The following DIS3 variants were observed in gnomAD, a reference collection of about 807,000 sequenced individuals.
The protein encoded by DIS3 is exosome complex exonuclease RRP44.
Under a neutral mutation model 113.0 loss-of-function variants are expected in DIS3, and 103 were observed. The observed-to-expected ratio is 0.91, with a 90% CI of 0.78 to 1.07. DIS3 has a LOEUF of 1.07. Among genes scored for constraint, DIS3 ranks in the 50% least tolerant of loss-of-function variants. The pLI, the probability that DIS3 is intolerant of heterozygous loss-of-function variation, is 0.00. For missense variants in DIS3, 1,121 were observed against 1,167.1 expected, an observed-to-expected ratio of 0.96 and a Z score of 0.58; for synonymous variants, 402 against 394.3, an observed-to-expected ratio of 1.02 and a Z score of -0.23.
chr13:72,766,727 T>C lies in DIS3; in HGVS notation c.1884-669A>G, dbSNP rs150939589. On this transcript the variant is annotated intron_variant, in intron 14 of 20. Transcript: ENST00000377767. ...TTCCCACAAGGCAAGGCAAGTCTAATGTTTCTTACACCTTGACATAACTTT... is the reference window on the plus strand; with the variant it reads ...TTCCCACAAGGCAAGGCAAGTCTAACGTTTCTTACACCTTGACATAACTTT... 1.4e-4 allele frequency among the ~76,000 whole-genome samples: 22 copies of C among 152,324 alleles called. 1 individual carries two copies. The highest frequency in any genetic ancestry group is 5.3e-4 in the African/African-American group (22 of 41,574).
chr13:72,770,282 GA>G (rs200680976), intron 13 of DIS3, among the ~76,000 whole-genome samples: 27 of 147,190 alleles, frequency 1.8e-4, no homozygotes, highest in African/African-American at 5.5e-4. Flanking sequence ...CTTATAATTG[GA>G]AAAAAAAAAC....
intron 14 of DIS3, 130 bp downstream of exon 14, chr13:72,768,655 T>C (rs1412030598): frequency 3.0e-6 from 2 of 661,568 alleles, no homozygotes; most frequent in Admixed American, 7.2e-5. Context: ...AATACATACA[T>C]ACATACATAA....
intron 13 of DIS3, among the ~76,000 whole-genome samples, chr13:72,769,916 G>A (rs1035570508): frequency 1.3e-5 from 2 of 152,106 alleles, no homozygotes; most frequent in African/African-American, 4.8e-5. Flanking sequence ...GAAAGATGTA[G>A]GGCAAAATAA....
intron 16 of DIS3, among the ~76,000 whole-genome samples, chr13:72,762,433 A>G (rs2033649332): frequency 6.6e-6 from 1 of 152,176 alleles, no homozygotes; most frequent in Admixed American, 6.5e-5. Flanking sequence ...AAAAATCCCT[A>G]TTTACAGATT....
chr13:72,781,881 A>T lies in DIS3; in HGVS notation c.-49T>A. 6.8e-7 allele frequency: 1 copy of T among 1,471,554 alleles called. No homozygotes were observed. Among genetic ancestry groups the T allele is most frequent in the Non-Finnish European group, 9.1e-7 (1 of 1,100,402 alleles). The allele number at this position is 1,471,554 out of a possible 1,614,324, so 91.2% of individuals were successfully genotyped here. A position where few individuals can be genotyped will look rare whatever the true frequency, so the allele number is the denominator to read the frequency against. ...AACCCCAGCAGCGCTCTTCCAGCAA[A>T]AGGCGTCAATCTAGAATACGCCTAA... On this transcript the variant is annotated 5_prime_UTR_variant, in exon 1 of 21. Transcript: ENST00000377767.
intron 14 of DIS3, among the ~76,000 whole-genome samples, chr13:72,767,383 A>C (rs1290253035): frequency 6.6e-6 from 1 of 152,218 alleles, no homozygotes; most frequent in Non-Finnish European, 1.5e-5. Context: ...TAAAAAAAAA[A>C]CTTTGTGGTG....
chr13:72,780,212 G>C (rs927131433), intron 2 of DIS3, among the ~76,000 whole-genome samples: 12 of 149,794 alleles, frequency 8.0e-5, no homozygotes, highest in Admixed American at 6.1e-4. Context: ...TGTAATCCCA[G>C]CTACTCAGGA....
At position 72,759,705 on chromosome 13, in the gene DIS3, ACTGTAT is replaced by A; in HGVS notation, c.*84_*89del. 1 of 962,166 alleles carries A rather than the reference ACTGTAT, an allele frequency of 1.0e-6. No individual in the cohort carries two copies. The highest frequency in any genetic ancestry group is 1.6e-6 in the Non-Finnish European group (1 of 637,960). 59.6% of individuals were successfully genotyped at this position (962,166 alleles called of 1,614,324 possible). On this transcript the variant is annotated 3_prime_UTR_variant, in exon 21 of 21. Transcript: ENST00000377767. ...ATTAAAATGTACTTAAAAGTAACAA[ACTGTAT>A]CACACACTTAGGCTTAGAAGTGTTC...
In DIS3 at chr13:72,758,705, C is replaced by CT. The variant is rs549155901; in HGVS notation, c.*1089dup. 1.1e-3 allele frequency: 227 copies of CT among 212,624 alleles called. 2 individuals carry two copies. The highest frequency in any genetic ancestry group is 4.9e-3 in the African/African-American group (216 of 44,262). The allele number at this position is 212,624 out of a possible 1,614,324, so 13.2% of individuals were successfully genotyped here. ...AAATTAGTCAACATTTATTGAGTGC[C>CT]TAAATGACTACCTATTTAGTATACC... On this transcript the variant is annotated 3_prime_UTR_variant, in exon 21 of 21. Coordinates refer to ENST00000377767, the MANE Select transcript of DIS3 (RefSeq NM_014953.5).
At position 72,780,998 on chromosome 13, in the gene DIS3, A is replaced by T. The variant is rs778758692; in HGVS notation, c.234T>A (p.Asp78Glu). 1.0e-5 allele frequency: 16 copies of T among 1,598,588 alleles called. No individual in the cohort carries two copies. In the East Asian group the frequency reaches 3.1e-4, roughly 31 times the overall value. Residue 78 changes from aspartate to glutamate, a missense_variant, in exon 2 of 21, where the codon GAT becomes GAA. Physicochemically the swap from Asp to Glu is conservative, Grantham distance 45. Coordinates refer to ENST00000377767, the MANE Select transcript of DIS3 (RefSeq NM_014953.5). Reference sequence around the variant, plus strand: ...TCCTGATGGCAGGGTCCTCAAGAACATCAATCTTAAAGAAAGATAAAGTTA... The same window carrying T: ...TCCTGATGGCAGGGTCCTCAAGAACTTCAATCTTAAAGAAAGATAAAGTTA... The part of the protein sequence containing the change: ...PDTNVLLHQI[D>E]VLEDPAIRNV...
At chr13:72,774,968 TTCA>T (rs2033973339) in intron 6 of DIS3, among the ~76,000 whole-genome samples, 1 of 152,180 alleles carries the variant, frequency 6.6e-6, no homozygotes, top group South Asian at 2.1e-4. Flanking sequence ...GATTTTCAGT[TTCA>T]TACTTGTATT....
In DIS3 at chr13:72,755,370, A is replaced by G. The variant is rs2033430483; in HGVS notation, c.*4425T>C. 3 of 570,446 alleles carry G rather than the reference A, an allele frequency of 5.3e-6. No individual in the cohort carries two copies. Among genetic ancestry groups the G allele is most frequent in the Non-Finnish European group, 9.1e-6 (3 of 328,674 alleles). The allele number at this position is 570,446 out of a possible 1,614,324, so 35.3% of individuals were successfully genotyped here. ...TGAAAAATCAAGGGCTTACTGACAT[A>G]GGAACAACAGAAATGCTCCTGGAAC... is the stretch of plus-strand genomic sequence containing the variant. On this transcript the variant is annotated 3_prime_UTR_variant, in exon 21 of 21. Coordinates refer to ENST00000377767, the MANE Select transcript of DIS3 (RefSeq NM_014953.5).
rs1361807667 is a variant in DIS3, at chr13:72,761,979, A to G, written c.2286T>C (p.Phe762=). ...VYFCSGMDND[F]HHYGLASPIY... ...TTGGAGACGCTAAGCCATAGTGATG[A>G]AAATCATTATCCATTCCAGAACAGA... is the stretch of plus-strand genomic sequence containing the variant. The change falls in exon 17 of 21, where the codon TTT becomes TTC. Residue 762 remains phenylalanine (F), a synonymous_variant. Coordinates refer to ENST00000377767, the MANE Select transcript of DIS3 (RefSeq NM_014953.5). 20 of 1,614,206 alleles carry G rather than the reference A, an allele frequency of 1.2e-5. No individual in the cohort carries two copies. Among genetic ancestry groups the G allele is most frequent in the Non-Finnish European group, 1.7e-5 (20 of 1,180,038 alleles).
chr13:72,781,274 T>A, intron 1 of DIS3: 1 of 1,551,222 alleles, frequency 6.4e-7, no homozygotes, highest in Admixed American at 2.0e-5. Context: ...TAGTTTTTTG[T>A]TCCTAGGCAC....
Position 72,776,012 on chromosome 13 carries a change from TG to T in DIS3, c.734del (p.Thr245AsnfsTer31). ...TAGCTCTAAATGTTCCTTGAAGGTATGTACCAGATTTTATGCCTTGCTGTAG... is the reference window on the plus strand; with the variant it reads ...TAGCTCTAAATGTTCCTTGAAGGTATTACCAGATTTTATGCCTTGCTGTAG... ...SKLQQGIKSG[T>X]YLQGTFRASR... On this transcript the variant is annotated frameshift_variant, in exon 5 of 21. Transcript: ENST00000377767. LOFTEE classifies it high-confidence loss of function. 1.9e-6 allele frequency: 3 copies of T among 1,611,778 alleles called. No individual in the cohort carries two copies. The highest frequency in any genetic ancestry group is 1.7e-6 in the Non-Finnish European group (2 of 1,179,302).
intron 14 of DIS3, among the ~76,000 whole-genome samples, chr13:72,767,341 A>G (rs1338836598): frequency 6.6e-6 from 1 of 152,184 alleles, no homozygotes; most frequent in Non-Finnish European, 1.5e-5. Flanking sequence ...TAAAATAAAT[A>G]CAGCTTCAAT....
Position 72,761,732 on chromosome 13 carries a change from T to C in DIS3, c.2425A>G (p.Lys809Glu), listed in dbSNP as rs1465918495. ...AGATTTTTACATATATCTGCAAGCT[T>C]GTGTTTGTCTGTCAACTCTGGATAA... ...CTYPELTDKH[K>E]LADICKNLNF... Residue 809 changes from lysine to glutamate, a missense_variant, in exon 18 of 21, where the codon AAG becomes GAG. Transcript: ENST00000377767. 6.2e-7 allele frequency: 1 copy of C among 1,613,824 alleles called. No homozygotes were observed. The highest frequency in any genetic ancestry group is 2.2e-5 in the East Asian group (1 of 44,880).
In DIS3 at chr13:72,759,502, A is replaced by G. The variant is rs2033573750; in HGVS notation, c.*293T>C. On this transcript the variant is annotated 3_prime_UTR_variant, in exon 21 of 21. Transcript: ENST00000377767. ...AATTAATCTGCTCCTCAATGAGATG[A>G]GCACTCCATTTAAATGATCTTTACA... 1 of 272,412 alleles carries G rather than the reference A, an allele frequency of 3.7e-6. No individual in the cohort carries two copies. The highest frequency in any genetic ancestry group is 2.2e-5 in the African/African-American group (1 of 46,242). 16.9% of individuals were successfully genotyped at this position (272,412 alleles called of 1,614,324 possible). A position where few individuals can be genotyped will look rare whatever the true frequency, so the allele number is the denominator to read the frequency against.
At position 72,781,752 on chromosome 13, in the gene DIS3, G is replaced by C. The variant is rs1593860419; in HGVS notation, c.81C>G (p.Asp27Glu). Residue 27 changes from aspartate to glutamate, a missense_variant, in exon 1 of 21, where the codon GAC (aspartate) becomes GAG (glutamate). This residue lies in a region of DIS3 where 254 missense variants were observed against 232.2 expected (regional missense o/e 1.09). Transcript: ENST00000377767. Reference sequence around the variant, plus strand: ...ACCCGGGCGCACCGCAGCCGATGTCGTCTCGCAGGTAGTGCTCGCGCACGA... The same window carrying C: ...ACCCGGGCGCACCGCAGCCGATGTCCTCTCGCAGGTAGTGCTCGCGCACGA... ...MKIVREHYLR[D>E]DIGCGAPGCA... The C allele has an allele frequency of 6.3e-7, 1 of 1,599,288 alleles. No individual in the cohort carries two copies. The highest frequency in any genetic ancestry group is 8.5e-7 in the Non-Finnish European group (1 of 1,173,482).
Sources: allele counts gnomAD v4.1 joint callset (sites outside exome capture counted in the v4.1 genomes callset), GRCh38; gene constraint gnomAD v4.1.1; regional missense constraint gnomAD v4.1.1; transcripts MANE v1.5; gene names NCBI Gene and HGNC (gene_info 2026-07-23, HGNC 2026-07-21).